STK32B: variants seen among roughly 807,000 people sequenced by gnomAD.
The protein encoded by STK32B is serine/threonine kinase 32B, also known as serine/threonine-protein kinase 32B.
A neutral mutation model predicts 52.6 loss-of-function variants in STK32B; 43 were observed. That is an observed-to-expected ratio of 0.82 (90% CI 0.64 to 1.05). STK32B has a LOEUF of 1.05. STK32B is among the 50% of genes least tolerant of loss of function. The pLI is 0.00. For synonymous variants in STK32B, 238 were observed against 204.3 expected (o/e 1.17, Z -1.41); for missense variants, 621 against 534.6 (o/e 1.16, Z -1.59).
chr4:5,454,017 C>T (rs577909023), intron 7 of STK32B, among the ~76,000 whole-genome samples: 30 of 152,280 alleles, frequency 2.0e-4, no homozygotes, highest in Non-Finnish European at 3.4e-4. Flanking sequence ...ACTGCCCTTC[C>T]GCAAACATGC....
Position 5,245,735 on chromosome 4 carries a change from G to A in STK32B, c.260+77285G>A, listed in dbSNP as rs187820295. On this transcript the variant is annotated intron_variant, in intron 3 of 11. Transcript: ENST00000282908. ...CCAGTTGTTCCTTTCCATGTTTAGT[G>A]CTTCCTTCAGGAGCTCTTTTAGGGC... Among the ~76,000 whole-genome samples the A allele has an allele frequency of 6.7e-4, 102 of 152,244 alleles. 1 individual carries two copies. The highest frequency in any genetic ancestry group is 1.2e-3 in the Admixed American group (18 of 15,288).
At chr4:5,314,558 T>C (rs1374246765) in intron 3 of STK32B, among the ~76,000 whole-genome samples, 1 of 152,088 alleles carries the variant, frequency 6.6e-6, no homozygotes, top group Non-Finnish European at 1.5e-5. Flanking sequence ...TAATGCCAGC[T>C]ACTCGGGAGG....
chr4:5,186,958 C>T lies in STK32B; in HGVS notation c.260+18508C>T, dbSNP rs190909858. Among the ~76,000 whole-genome samples the T allele has an allele frequency of 2.3e-4, 35 of 152,302 alleles. No individual in the cohort carries two copies. In the East Asian group the frequency reaches 3.9e-3, roughly 17 times the overall value. On this transcript the variant is annotated intron_variant, in intron 3 of 11. Coordinates refer to ENST00000282908, the MANE Select transcript of STK32B (RefSeq NM_018401.3). ...GTGTGGGTCACAGGATGCACCTGCC[C>T]GCACTCCGACACTCAGGGGGCCTGT... is the stretch of plus-strand genomic sequence containing the variant.
intron 4 of STK32B, among the ~76,000 whole-genome samples, chr4:5,372,450 G>A (rs1037355813): frequency 1.3e-5 from 2 of 152,082 alleles, no homozygotes; most frequent in South Asian, 2.1e-4. Flanking sequence ...CAGGACTCCC[G>A]ACCTCTCACT....
At position 5,380,422 on chromosome 4, in the gene STK32B, G is replaced by A. The variant is rs1225294040; in HGVS notation, c.435-17785G>A. 2.0e-5 allele frequency among the ~76,000 whole-genome samples: 3 copies of A among 152,176 alleles called. No homozygotes were observed. The highest frequency in any genetic ancestry group is 3.9e-4 in the East Asian group (2 of 5,186). On this transcript the variant is annotated intron_variant, in intron 4 of 11. Coordinates refer to ENST00000282908, the MANE Select transcript of STK32B (RefSeq NM_018401.3). This position sits in a 1 kb window ranked among gnomAD's most constrained non-coding sequence, Gnocchi z 4.3. ...AAGAGCATTACTCTGAAGAGGTACA[G>A]GAATTTTCCTGATGCTATGTCTAAT...
rs1333826294 is a variant in STK32B at position 5,139,867 on chromosome 4, C to T, written c.53-38C>T. The T allele has an allele frequency of 2.5e-6, 4 of 1,613,212 alleles. No homozygotes were observed. In the East Asian group the frequency reaches 8.9e-5, roughly 36 times the overall value. On this transcript the variant is annotated intron_variant, in intron 1 of 11. Transcript: ENST00000282908. ...ATTCAAGGAGCAATACCAGGTTTAGCAAATCTGACTTGTTTCCTTTTTTGT... is the reference window on the plus strand; with the variant it reads ...ATTCAAGGAGCAATACCAGGTTTAGTAAATCTGACTTGTTTCCTTTTTTGT...
intron 3 of STK32B, among the ~76,000 whole-genome samples, chr4:5,171,127 A>G (rs1330386742): frequency 2.0e-5 from 3 of 151,720 alleles, no homozygotes; most frequent in East Asian, 1.9e-4. Flanking sequence ...GTCTGTTCAT[A>G]TCCTTTGCCC....
upstream of STK32B, among the ~76,000 whole-genome samples, chr4:5,046,484 A>C (rs186529535): frequency 2.6e-3 from 403 of 152,392 alleles, 1 homozygote; most frequent in African/African-American, 9.5e-3. Flanking sequence ...AAACAACAAA[A>C]GCAATTGCAA....
At chr4:5,166,177 C>T (rs184175122) in intron 2 of STK32B, among the ~76,000 whole-genome samples, 10 of 152,152 alleles carry the variant, frequency 6.6e-5, no homozygotes, top group African/African-American at 2.4e-4. Flanking sequence ...CGAGTTCCTT[C>T]GCTGGGTCCT....
At chr4:5,128,344 C>T (rs189865729) in intron 1 of STK32B, among the ~76,000 whole-genome samples, 1 of 152,172 alleles carries the variant, frequency 6.6e-6, no homozygotes, top group African/African-American at 2.4e-5. Context: ...TTCGAGGAAT[C>T]GATAGTTTAA....
chr4:5,353,584 G>GA, intron 4 of STK32B, among the ~76,000 whole-genome samples: 1 of 151,864 alleles, frequency 6.6e-6, no homozygotes, highest in African/African-American at 2.4e-5. Context: ...CAAATGACAT[G>GA]AATAGATATT....
At chr4:5,425,923 T>C (rs951710110) in intron 6 of STK32B, among the ~76,000 whole-genome samples, 1 of 152,202 alleles carries the variant, frequency 6.6e-6, no homozygotes, top group South Asian at 2.1e-4. Flanking sequence ...AATGATGTAT[T>C]TGAGATTTAC....
chr4:5,032,275 A>G, the STK32B span, among the ~76,000 whole-genome samples: 1 of 151,762 alleles, frequency 6.6e-6, no homozygotes, highest in East Asian at 1.9e-4. Context: ...GGAGTTCGAG[A>G]GCAGTCTGGA....
At chr4:5,239,788 T>A (rs1290254022) in intron 3 of STK32B, among the ~76,000 whole-genome samples, 2 of 152,022 alleles carry the variant, frequency 1.3e-5, no homozygotes, top group African/African-American at 4.8e-5. Flanking sequence ...AATGAATGAC[T>A]AAAGGTTAAA....
In STK32B at chr4:5,331,215, C is replaced by T. The variant is rs1313532268; in HGVS notation, c.261-5C>T. On this transcript the variant is annotated splice_polypyrimidine_tract_variant and splice_region_variant and intron_variant, in intron 3 of 11. Coordinates refer to ENST00000282908, the MANE Select transcript of STK32B (RefSeq NM_018401.3). Reference sequence around the variant, plus strand: ...CTAATCTTCTCTGTCCTTCTGTGCTCCTAGGTACTCCTTCCAGGATGAGGA... The same window carrying T: ...CTAATCTTCTCTGTCCTTCTGTGCTTCTAGGTACTCCTTCCAGGATGAGGA... 6.2e-7 allele frequency: 1 copy of T among 1,609,980 alleles called. No individual in the cohort carries two copies. The highest frequency in any genetic ancestry group is 2.2e-5 in the East Asian group (1 of 44,804).
intron 1 of STK32B, among the ~76,000 whole-genome samples, chr4:5,081,528 G>A (rs528850518): frequency 6.6e-6 from 1 of 151,948 alleles, no homozygotes; most frequent in South Asian, 2.1e-4. Context: ...TTCTGTTGGT[G>A]CTTTCCAATA....
chr4:5,188,850 C>G (rs1299085083), intron 3 of STK32B, among the ~76,000 whole-genome samples: 1 of 138,984 alleles, frequency 7.2e-6, no homozygotes, highest in Non-Finnish European at 1.5e-5. Context: ...ACATCACACA[C>G]TGGGGCCTGT....
chr4:5,134,810 G>T (rs769806054), intron 1 of STK32B, among the ~76,000 whole-genome samples: 1 of 152,236 alleles, frequency 6.6e-6, no homozygotes, highest in Non-Finnish European at 1.5e-5. Flanking sequence ...GATGCCCACA[G>T]TGCTTAAATG....
At chr4:5,060,727 T>C (rs1267024287) in intron 1 of STK32B, among the ~76,000 whole-genome samples, 2 of 152,232 alleles carry the variant, frequency 1.3e-5, no homozygotes, top group Non-Finnish European at 2.9e-5. Flanking sequence ...CACTTTGTAC[T>C]TGTCTGAAAA....
Sources: gnomAD v4.1 joint callset for allele counts (sites outside exome capture counted in the v4.1 genomes callset) on GRCh38, gnomAD v4.1.1 for gene constraint, Gnocchi (gnomAD v3.1) non-coding constraint, MANE v1.5 for transcripts, NCBI Gene and HGNC (gene_info 2026-07-23, HGNC 2026-07-21) for gene names.